BCAS3: variants seen among roughly 807,000 people sequenced by gnomAD.
The protein encoded by BCAS3 is BCAS3 microtubule associated cell migration factor.
BCAS3 carries 53 observed loss-of-function variants against 116.1 expected under a neutral mutation model. That is an observed-to-expected ratio of 0.46 (90% CI 0.37 to 0.57). The LOEUF is 0.57. Among genes scored for constraint, BCAS3 ranks in the 20% least tolerant of loss-of-function variants. The pLI, the probability that BCAS3 is intolerant of heterozygous loss-of-function variation, is 0.00. For synonymous variants in BCAS3, 391 were observed against 408.2 expected, an observed-to-expected ratio of 0.96 and a Z score of 0.51; for missense variants, 917 against 1,165.4, an observed-to-expected ratio of 0.79 and a Z score of 3.10.
chr17:61,050,161 GT>G (rs1229408577), intron 19 of BCAS3, among the ~76,000 whole-genome samples: 2 of 151,960 alleles, frequency 1.3e-5, no homozygotes, highest in Non-Finnish European at 2.9e-5. Context: ...GCTTAAAGAA[GT>G]TATCAGCTTC....
At chr17:60,787,030 A>G (rs981168835) in intron 6 of BCAS3, among the ~76,000 whole-genome samples, 6 of 152,176 alleles carry the variant, frequency 3.9e-5, no homozygotes, top group Non-Finnish European at 1.5e-5. Context: ...TTTATTTTGG[A>G]TAAAAAGGAA....
Position 61,326,825 on chromosome 17 carries a change from T to C in BCAS3, c.2426-41502T>C, listed in dbSNP as rs925078171. Among the ~76,000 whole-genome samples the C allele has an allele frequency of 1.3e-5, 2 of 152,006 alleles. No individual in the cohort carries two copies. Among genetic ancestry groups the C allele is most frequent in the Non-Finnish European group, 2.9e-5 (2 of 67,996 alleles). ...GAGGTGTTTGGTCTAGGGGTTTCCT[T>C]AGGAAAGAATGGGGAGAGAAGAATG... On this transcript the variant is annotated intron_variant, in intron 22 of 23. Transcript: ENST00000407086. The surrounding 1 kb of genome is among the most constrained non-coding windows in gnomAD (Gnocchi z 5.3).
rs1158459851 is a variant in BCAS3, at chr17:61,258,400, C to T, written c.2426-109927C>T. Reference sequence around the variant, plus strand: ...GCTGCATGGTATGATCAAAAGAACACAGGTTTTTAGAGGCAGGTTTATCTA... The same window carrying T: ...GCTGCATGGTATGATCAAAAGAACATAGGTTTTTAGAGGCAGGTTTATCTA... On this transcript the variant is annotated intron_variant, in intron 22 of 23. Coordinates refer to ENST00000407086, the MANE Select transcript of BCAS3 (RefSeq NM_017679.5). This position sits in a 1 kb window ranked among gnomAD's most constrained non-coding sequence, Gnocchi z 4.7. 6.6e-6 allele frequency among the ~76,000 whole-genome samples: 1 copy of T among 152,184 alleles called. No homozygotes were observed. Among genetic ancestry groups the T allele is most frequent in the Admixed American group, 6.5e-5 (1 of 15,270 alleles).
At chr17:60,873,233 G>C (rs1354270054) in intron 8 of BCAS3, among the ~76,000 whole-genome samples, 1 of 151,670 alleles carries the variant, frequency 6.6e-6, no homozygotes, top group Non-Finnish European at 1.5e-5. Flanking sequence ...AAAATATATA[G>C]AGAAAAGTTT....
intron 22 of BCAS3, among the ~76,000 whole-genome samples, chr17:61,165,049 C>G (rs1192567714): frequency 1.3e-5 from 2 of 152,232 alleles, no homozygotes; most frequent in Non-Finnish European, 2.9e-5. Context: ...GTTAAAGAAG[C>G]AGAGTGCTTG....
intron 23 of BCAS3, among the ~76,000 whole-genome samples, chr17:61,373,092 CT>C (rs34754126): frequency 0.68 from 99,012 of 145,372 alleles, 34,750 homozygotes; most frequent in Non-Finnish European, 0.8. Context: ...TAAAGTATTC[CT>C]TTTTTTTTTT....
At chr17:60,877,926 A>G (rs1435844632) in intron 9 of BCAS3, among the ~76,000 whole-genome samples, 5 of 152,224 alleles carry the variant, frequency 3.3e-5, no homozygotes, top group Admixed American at 3.3e-4. Flanking sequence ...AGTAGTAAAT[A>G]AAAGTACATT....
At chr17:60,761,674 A>T (rs2043549238) in intron 6 of BCAS3, among the ~76,000 whole-genome samples, 1 of 152,240 alleles carries the variant, frequency 6.6e-6, no homozygotes, top group South Asian at 2.1e-4. Context: ...ATACGTGTGC[A>T]TGTGTCTTTA....
At chr17:60,966,506 T>C (rs183966882) in intron 14 of BCAS3, among the ~76,000 whole-genome samples, 2 of 152,268 alleles carry the variant, frequency 1.3e-5, no homozygotes, top group East Asian at 1.9e-4. Flanking sequence ...TTTTGTGTTG[T>C]GGTTACCAGG....
intron 5 of BCAS3, among the ~76,000 whole-genome samples, chr17:60,726,775 C>T (rs1751349950): frequency 6.6e-6 from 1 of 152,126 alleles, no homozygotes; most frequent in South Asian, 2.1e-4. Context: ...TCCCAGAGTG[C>T]TGGAATTACA....
Position 61,056,473 on chromosome 17 carries a change from CTTTAT to C in BCAS3, c.2029+15586_2029+15590del, listed in dbSNP as rs2069395870. On this transcript the variant is annotated intron_variant, in intron 19 of 23. Coordinates refer to ENST00000407086, the MANE Select transcript of BCAS3 (RefSeq NM_017679.5). The surrounding 1 kb of genome is among the most constrained non-coding windows in gnomAD (Gnocchi z 4.9). ...AGGCAAATTAAAATTTTAACTTATA[CTTTAT>C]TTTAATTAAAGTATTTAAAATAAAT... Among the ~76,000 whole-genome samples, 2 of 152,000 alleles carry C rather than the reference CTTTAT, an allele frequency of 1.3e-5. No individual in the cohort carries two copies. Among genetic ancestry groups the C allele is most frequent in the South Asian group, 4.1e-4 (2 of 4,822 alleles).
At chr17:61,359,159 C>T (rs2058315441) in intron 22 of BCAS3, among the ~76,000 whole-genome samples, 2 of 152,142 alleles carry the variant, frequency 1.3e-5, no homozygotes, top group Non-Finnish European at 2.9e-5. Context: ...TGGCTGCTTG[C>T]CTCTGGCCCA....
rs1194265632 is a variant in BCAS3, at chr17:61,379,083, C to G, written c.2593+10589C>G. 2 of 152,246 alleles carry G rather than the reference C, an allele frequency of 1.3e-5. No individual in the cohort carries two copies. The highest frequency in any genetic ancestry group is 2.9e-5 in the Non-Finnish European group (2 of 68,088). 9.4% of individuals were successfully genotyped at this position (152,246 alleles called of 1,614,324 possible). ...ATAGGCACAGGCTTGGACTGAGGGG[C>G]TGGGGGAGGGCTGTTGGACCCCCAG... On this transcript the variant is annotated intron_variant, in intron 23 of 23. Transcript: ENST00000407086. The surrounding 1 kb of genome is among the most constrained non-coding windows in gnomAD (Gnocchi z 5.5).
At chr17:60,918,408 T>C (rs966491060) in intron 12 of BCAS3, among the ~76,000 whole-genome samples, 4 of 152,176 alleles carry the variant, frequency 2.6e-5, no homozygotes, top group Non-Finnish European at 5.9e-5. Flanking sequence ...AGGATATATA[T>C]CACCATGAGC....
rs533816273 is a variant in BCAS3, at chr17:60,830,355, G to A, written c.476+22279G>A. Among the ~76,000 whole-genome samples, 3 of 152,276 alleles carry A rather than the reference G, an allele frequency of 2.0e-5. No homozygotes were observed. The South Asian group carries it at 6.2e-4, about 32-fold the overall frequency. ...AAAACTAACTGTAACAGTATAAAACGTGATGGTTGCACAAGTATAGTTGGA... is the reference window on the plus strand; with the variant it reads ...AAAACTAACTGTAACAGTATAAAACATGATGGTTGCACAAGTATAGTTGGA... On this transcript the variant is annotated intron_variant, in intron 7 of 23. Coordinates refer to ENST00000407086, the MANE Select transcript of BCAS3 (RefSeq NM_017679.5).
chr17:61,089,902 G>GGTACT (rs2073412093), intron 22 of BCAS3, among the ~76,000 whole-genome samples: 1 of 152,002 alleles, frequency 6.6e-6, no homozygotes, highest in Non-Finnish European at 1.5e-5. Context: ...GGCCTACTTA[G>GGTACT]GTACTATTTC....
intron 7 of BCAS3, among the ~76,000 whole-genome samples, chr17:60,820,050 C>G (rs1022363426): frequency 1.3e-5 from 2 of 151,894 alleles, no homozygotes; most frequent in Non-Finnish European, 2.9e-5. Flanking sequence ...CTTCAGTAAC[C>G]TGACAGTGGG....
At chr17:61,306,165 C>T (rs1467340370) in intron 22 of BCAS3, among the ~76,000 whole-genome samples, 1 of 152,160 alleles carries the variant, frequency 6.6e-6, no homozygotes, top group Non-Finnish European at 1.5e-5. Context: ...AAAAGCAGTG[C>T]AGTGTGAAGA....
At chr17:61,207,310 CT>C (rs2081203489) in intron 22 of BCAS3, among the ~76,000 whole-genome samples, 1 of 152,134 alleles carries the variant, frequency 6.6e-6, no homozygotes, top group Non-Finnish European at 1.5e-5. Context: ...GTTCTTCTTA[CT>C]GTCTGTGTAT....
Sources: gnomAD v4.1 joint callset for allele counts (sites outside exome capture counted in the v4.1 genomes callset) on GRCh38, gnomAD v4.1.1 for gene constraint, Gnocchi (gnomAD v3.1) non-coding constraint, MANE v1.5 for transcripts, NCBI Gene and HGNC (gene_info 2026-07-23, HGNC 2026-07-21) for gene names.